The following DLG1 variants were observed in gnomAD, a reference collection of about 807,000 sequenced individuals.
The protein encoded by DLG1 is discs large MAGUK scaffold protein 1.
Under a neutral mutation model 123.4 loss-of-function variants are expected in DLG1, and 42 were observed. The observed-to-expected ratio is 0.34, with a 90% confidence interval of 0.27 to 0.44. The LOEUF is 0.44. DLG1 is among the 20% of genes least tolerant of loss of function. The pLI, the probability that DLG1 is intolerant of heterozygous loss-of-function variation, is 1.00. For synonymous variants in DLG1, 317 were observed against 356.2 expected, an observed-to-expected ratio of 0.89 and a Z score of 1.24; for missense variants, 942 against 1,082.6, an observed-to-expected ratio of 0.87 and a Z score of 1.82.
chr3:197,202,006 G>T (rs916198714), intron 4 of DLG1, among the ~76,000 whole-genome samples: 4 of 152,026 alleles, frequency 2.6e-5, no homozygotes, highest in Non-Finnish European at 5.9e-5. Flanking sequence ...GTGGAGGGGT[G>T]GGAGGGGTGG....
chr3:197,263,403 T>C (rs569192961), intron 4 of DLG1, among the ~76,000 whole-genome samples: 1 of 152,278 alleles, frequency 6.6e-6, no homozygotes, highest in Admixed American at 6.5e-5. Context: ...AAAAACTCAA[T>C]GACTCCTAAG....
At chr3:197,068,297 T>G (rs1237039868) in intron 19 of DLG1, among the ~76,000 whole-genome samples, 1 of 152,158 alleles carries the variant, frequency 6.6e-6, no homozygotes. Context: ...TTACCTCTTT[T>G]TAGCCTAGAA....
At chr3:197,216,159 T>C (rs28524078) in intron 4 of DLG1, among the ~76,000 whole-genome samples, 21,791 of 152,276 alleles carry the variant, frequency 0.14, 2,188 homozygotes, top group African/African-American at 0.28. Context: ...AGAGAAAATT[T>C]ACTTTTTTAC....
intron 22 of DLG1, among the ~76,000 whole-genome samples, chr3:197,060,866 C>G (rs969537483): frequency 6.6e-6 from 1 of 152,208 alleles, no homozygotes; most frequent in African/African-American, 2.4e-5. Flanking sequence ...TGCTCTGTCA[C>G]CCAGACTTGA....
intron 13 of DLG1, among the ~76,000 whole-genome samples, 156 bp from the exon 14 acceptor site, chr3:197,105,161 G>A (rs528205928): frequency 1.3e-5 from 2 of 152,272 alleles, no homozygotes; most frequent in Admixed American, 6.5e-5. Context: ...AATATATTGT[G>A]TAGTAAAACA....
At chr3:197,171,463 A>G (rs1420227435) in intron 5 of DLG1, among the ~76,000 whole-genome samples, 1 of 152,210 alleles carries the variant, frequency 6.6e-6, no homozygotes, top group African/African-American at 2.4e-5. Context: ...TATAAAACTA[A>G]ACACATTTTT....
At chr3:197,297,454 G>C in intron 1 of DLG1, 1 of 1,368,534 alleles carries the variant, frequency 7.3e-7, no homozygotes, top group South Asian at 1.6e-5. Context: ...ACAGAAGTCG[G>C]CTTCCAAACT....
chr3:197,116,049 T>C lies in DLG1; in HGVS notation c.1321A>G (p.Thr441Ala), dbSNP rs148803946. The change falls in exon 13 of 25, where the codon ACG becomes GCG. Residue 441 changes from threonine (T) to alanine (A), a missense_variant. By Grantham distance (58) the Thr-to-Ala change is moderately conservative. Coordinates refer to ENST00000667157, the MANE Select transcript of DLG1 (RefSeq NM_001366207.1). The part of the protein sequence containing the change: ...PRKVVLHRGS[T>A]GLGFNIVGGE... Reference sequence around the variant, plus strand: ...CCTACAATGTTGAAACCAAGGCCCGTTGAGCCACGATGAAGAACAACTTTT... The same window carrying C: ...CCTACAATGTTGAAACCAAGGCCCGCTGAGCCACGATGAAGAACAACTTTT... 6.5e-5 allele frequency: 104 copies of C among 1,609,124 alleles called. No homozygotes were observed. The highest frequency in any genetic ancestry group is 5.6e-4 in the African/African-American group (42 of 74,728).
At chr3:197,077,508 AG>A (rs1407560103) in intron 17 of DLG1, among the ~76,000 whole-genome samples, 1 of 152,206 alleles carries the variant, frequency 6.6e-6, no homozygotes, top group African/African-American at 2.4e-5. Context: ...ATTAAAAAAA[AG>A]TACACATAAA....
At chr3:197,113,624 C>A (rs757744258) in intron 13 of DLG1, among the ~76,000 whole-genome samples, 1 of 152,018 alleles carries the variant, frequency 6.6e-6, no homozygotes, top group Non-Finnish European at 1.5e-5. Flanking sequence ...AACCCATGAA[C>A]CTTTATATTT....
chr3:197,246,410 G>T (rs1409057870), intron 4 of DLG1, among the ~76,000 whole-genome samples: 1 of 152,194 alleles, frequency 6.6e-6, no homozygotes, highest in Non-Finnish European at 1.5e-5. Context: ...TCTCTCTTTA[G>T]TAAGGGAGCT....
intron 4 of DLG1, among the ~76,000 whole-genome samples, chr3:197,218,166 A>G (rs1490970930): frequency 1.3e-5 from 2 of 152,228 alleles, no homozygotes; most frequent in Non-Finnish European, 2.9e-5. Flanking sequence ...CAGCTAAGAG[A>G]AGTGTTCGAG....
intron 5 of DLG1, among the ~76,000 whole-genome samples, chr3:197,153,037 A>G (rs1255560537): frequency 6.6e-6 from 1 of 152,148 alleles, no homozygotes; most frequent in African/African-American, 2.4e-5. Context: ...CATTGATCAA[A>G]GTTTCATTAT....
chr3:197,161,550 A>C (rs1032214420), intron 5 of DLG1: 17 of 781,776 alleles, frequency 2.2e-5, no homozygotes, highest in Non-Finnish European at 2.8e-5. Flanking sequence ...CAAATTACAA[A>C]AAACAGCTCA....
chr3:197,065,719 G>A lies in DLG1; in HGVS notation c.2189C>T (p.Ser730Phe). ...LISEFPDKFG[S>F]CVPHTTRPKR... The stretch of plus-strand genomic sequence containing the variant: ...TTTGGTTTACTTACGAGGAACACAG[G>A]ATCCAAATTTGTCAGGAAATTCTGA... Residue 730 changes from serine to phenylalanine, a missense_variant, in exon 21 of 25, where the codon TCC (serine) becomes TTC (phenylalanine). By Grantham distance (155) the Ser-to-Phe change is radical. Coordinates refer to ENST00000667157, the MANE Select transcript of DLG1 (RefSeq NM_001366207.1). 6.2e-7 allele frequency: 1 copy of A among 1,607,198 alleles called. No homozygotes were observed. Among genetic ancestry groups the A allele is most frequent in the Non-Finnish European group, 8.5e-7 (1 of 1,174,854 alleles).
At chr3:197,047,268 T>G (rs1365317813) in intron 24 of DLG1, among the ~76,000 whole-genome samples, 1 of 152,188 alleles carries the variant, frequency 6.6e-6, no homozygotes, top group Non-Finnish European at 1.5e-5. Flanking sequence ...TAAAGGGACA[T>G]CTACCTGAAA....
At chr3:197,196,171 CAA>C (rs71162001) in intron 4 of DLG1, among the ~76,000 whole-genome samples, 18,065 of 89,186 alleles carry the variant, frequency 0.2, 803 homozygotes, top group East Asian at 0.48. Context: ...AAATGCACAC[CAA>C]AAAAAAAAAA....
At chr3:197,195,611 C>T (rs1462055766) in intron 4 of DLG1, among the ~76,000 whole-genome samples, 2 of 152,150 alleles carry the variant, frequency 1.3e-5, no homozygotes, top group Non-Finnish European at 2.9e-5. Flanking sequence ...ATTATTCTAA[C>T]TGAACTAACA....
At chr3:197,105,757 C>A (rs1456281561) in intron 13 of DLG1, among the ~76,000 whole-genome samples, 1 of 151,946 alleles carries the variant, frequency 6.6e-6, no homozygotes, top group Non-Finnish European at 1.5e-5. Flanking sequence ...TCCTTTTCCA[C>A]AATAAGACAA....
Sources: gnomAD v4.1 joint callset for allele counts (sites outside exome capture counted in the v4.1 genomes callset) on GRCh38, gnomAD v4.1.1 for gene constraint, MANE v1.5 for transcripts, NCBI Gene and HGNC (gene_info 2026-07-23, HGNC 2026-07-21) for gene names.